Variants in CLCN7 observed in about 807,000 individuals in gnomAD.
CLCN7 encodes the protein Cl-/H+ antiporter 7.
In CLCN7, 60 loss-of-function variants were observed where a neutral mutation model predicts 102.1. That is an observed-to-expected ratio of 0.59 (90% CI 0.48 to 0.73). CLCN7 has a LOEUF of 0.73. CLCN7 is among the 30% of genes least tolerant of loss of function. The pLI, the probability that CLCN7 is intolerant of heterozygous loss-of-function variation, is 0.00. For synonymous variants in CLCN7, 560 were observed against 490.5 expected, an observed-to-expected ratio of 1.14 and a Z score of -1.87; for missense variants, 962 against 1,125.7, an observed-to-expected ratio of 0.85 and a Z score of 2.08.
Position 1,475,011 on chromosome 16 carries a change from G to C in CLCN7, c.-37C>G. Reference sequence around the variant, plus strand: ...GAGCGACACCGGCCGGGAAGCGCCGGCTGCCCCCGTGTTTGTTCTCGTGAC... The same window carrying C: ...GAGCGACACCGGCCGGGAAGCGCCGCCTGCCCCCGTGTTTGTTCTCGTGAC... On this transcript the variant is annotated 5_prime_UTR_variant, in exon 1 of 25. Transcript: ENST00000382745. The C allele has an allele frequency of 3.5e-6, 5 of 1,420,196 alleles. No homozygotes were observed. The highest frequency in any genetic ancestry group is 4.6e-6 in the Non-Finnish European group (5 of 1,084,040). The allele number at this position is 1,420,196 out of a possible 1,614,324, so 88.0% of individuals were successfully genotyped here.
chr16:1,455,113 G>C (rs1384360078), intron 12 of CLCN7, 21 bp downstream of exon 12: 1 of 1,391,720 alleles, frequency 7.2e-7, no homozygotes, highest in South Asian at 1.2e-5. Flanking sequence ...GGTGGGCGAG[G>C]TGGGCGATGG....
rs368724913 is a variant in CLCN7 at position 1,447,508 on chromosome 16, G to A, written c.2134C>T (p.Arg712Ter). ...GGTGGGAAGCGCGGGTAGGCGTCTC[G>A]GAAGTCCTTCAGCCTCAGGCGCCGC... is the stretch of plus-strand genomic sequence containing the variant. ...VQRRLRLKDF[R>*]DAYPRFPPIQ... The change falls in exon 23 of 25, where the codon CGA becomes TGA. Residue 712 changes from arginine to a stop codon, truncating the protein, a stop_gained. Coordinates refer to ENST00000382745, the MANE Select transcript of CLCN7 (RefSeq NM_001287.6). LOFTEE classifies it high-confidence loss of function. The A allele has an allele frequency of 3.9e-6, 6 of 1,555,020 alleles. No homozygotes were observed. Among genetic ancestry groups the A allele is most frequent in the Middle Eastern group, 1.7e-4 (1 of 5,994 alleles).
chr16:1,455,916 C>T, intron 10 of CLCN7, 121 bp from the exon 11 acceptor site: 1 of 1,178,008 alleles, frequency 8.5e-7, no homozygotes, highest in South Asian at 1.3e-5. Flanking sequence ...ATGGGGTGGG[C>T]CCCAGCCACA....
In CLCN7 at chr16:1,452,875, G is replaced by A; in HGVS notation, c.1233C>T (p.Cys411=). The A allele has an allele frequency of 6.4e-7, 1 of 1,573,066 alleles. No homozygotes were observed. Among genetic ancestry groups the A allele is most frequent in the Non-Finnish European group, 8.6e-7 (1 of 1,159,430 alleles). The change falls in exon 15 of 25, where the codon TGC becomes TGT. Residue 411 remains cysteine, a synonymous_variant. Transcript: ENST00000382745. ...MFRIRYIHRP[C]LQVIEAVLVA... is the part of the protein sequence containing the mutation. ...CCAGCACGGCCTCAATCACCTGCAG[G>A]CAGGGCCGGTGGATGTACCTGGAAC...
At chr16:1,453,155 C>T (rs2038780679) in intron 14 of CLCN7, among the ~76,000 whole-genome samples, 1 of 152,106 alleles carries the variant, frequency 6.6e-6, no homozygotes, top group African/African-American at 2.4e-5. Flanking sequence ...TTACAGGCGC[C>T]CGGCTCTACA....
At chr16:1,469,897 C>T (rs559637795) in intron 1 of CLCN7, among the ~76,000 whole-genome samples, 2 of 152,328 alleles carry the variant, frequency 1.3e-5, no homozygotes, top group East Asian at 1.9e-4. Context: ...GAATGACCAC[C>T]GACCCGTGCT....
chr16:1,449,372 CA>C (rs1176533035), intron 17 of CLCN7, 45 bp from the exon 18 acceptor site: 7 of 1,550,226 alleles, frequency 4.5e-6, no homozygotes, highest in Non-Finnish European at 5.2e-6. Flanking sequence ...GTGGCAGGCC[CA>C]AACCCACCAA....
chr16:1,458,733 A>G (rs2038878111), intron 7 of CLCN7, among the ~76,000 whole-genome samples: 1 of 152,196 alleles, frequency 6.6e-6, no homozygotes, highest in African/African-American at 2.4e-5. Flanking sequence ...ACCAAGTGTA[A>G]ATGACCATGA....
Position 1,447,030 on chromosome 16 carries a change from C to T in CLCN7, c.2307G>A (p.Leu769=), listed in dbSNP as rs748681470. 6.2e-7 allele frequency: 1 copy of T among 1,601,096 alleles called. No homozygotes were observed. Among genetic ancestry groups the T allele is most frequent in the East Asian group, 2.2e-5 (1 of 44,506 alleles). Reference sequence around the variant, plus strand: ...CCTGATTGCGGTTGTCCACCACCACCAGGTGCCGCAGGCCCAGGGCCCGGA... The same window carrying T: ...CCTGATTGCGGTTGTCCACCACCACTAGGTGCCGCAGGCCCAGGGCCCGGA... ...KLFRALGLRH[L]VVVDNRNQVV... The change falls in exon 24 of 25, where the codon CTG becomes CTA. Residue 769 remains leucine (L), a synonymous_variant. Transcript: ENST00000382745.
intron 17 of CLCN7, chr16:1,449,716 G>A: frequency 3.5e-6 from 1 of 287,236 alleles, no homozygotes. Flanking sequence ...AGAAAGCGGG[G>A]CACGAGGGTC....
chr16:1,472,724 A>G (rs976156524), intron 1 of CLCN7: 5 of 151,684 alleles, frequency 3.3e-5, no homozygotes, highest in African/African-American at 1.2e-4. Context: ...TGTGAACTTC[A>G]GATTTCTTTA....
intron 23 of CLCN7, 37 bp from the exon 24 acceptor site, chr16:1,447,123 C>T (rs1204723013): frequency 3.9e-6 from 6 of 1,551,798 alleles, no homozygotes; most frequent in African/African-American, 1.4e-5. Context: ...CCCGCCCACA[C>T]AGCAGAGGCA....
chr16:1,449,918 C>T (rs1443957364), intron 17 of CLCN7: 2 of 180,534 alleles, frequency 1.1e-5, no homozygotes, highest in Non-Finnish European at 2.4e-5. Context: ...GGGCAGAGCA[C>T]ACGGGCCTGG....
At chr16:1,451,869 G>A (rs1462275169) in intron 15 of CLCN7, 153 bp from the exon 16 acceptor site, 1 of 667,312 alleles carries the variant, frequency 1.5e-6, no homozygotes, top group African/African-American at 1.8e-5. Context: ...CAGGGCCACG[G>A]TCACAGAGGG....
intron 6 of CLCN7, 41 bp downstream of exon 6, chr16:1,460,377 C>G: frequency 6.2e-6 from 9 of 1,445,834 alleles, no homozygotes; most frequent in Non-Finnish European, 8.7e-6. Flanking sequence ...ACCCCCAATC[C>G]TTCATGGGGT....
chr16:1,457,882 G>C lies in CLCN7; in HGVS notation c.676-126C>G. ...CTGGGACACGGGGCCTCCGGGAGGG[G>C]GCCAGCACCCCCAGGCTGGGTCTCC... On this transcript the variant is annotated intron_variant, in intron 7 of 24. Coordinates refer to ENST00000382745, the MANE Select transcript of CLCN7 (RefSeq NM_001287.6). The surrounding 1 kb of genome is among the most constrained non-coding windows in gnomAD (Gnocchi z 5.4). 1 of 917,910 alleles carries C rather than the reference G, an allele frequency of 1.1e-6. No individual in the cohort carries two copies. The highest frequency in any genetic ancestry group is 1.7e-6 in the Non-Finnish European group (1 of 575,050). 56.9% of individuals were successfully genotyped at this position (917,910 alleles called of 1,614,324 possible). A position where few individuals can be genotyped will look rare whatever the true frequency, so the allele number is the denominator to read the frequency against.
At chr16:1,448,924 G>T in intron 19 of CLCN7, 42 bp downstream of exon 19, 1 of 1,609,796 alleles carries the variant, frequency 6.2e-7, no homozygotes. Context: ...CCCTATGGCA[G>T]CACCCACGCT....
At chr16:1,449,710 A>G in intron 17 of CLCN7, 1 of 292,312 alleles carries the variant, frequency 3.4e-6, no homozygotes, top group Non-Finnish European at 6.5e-6. Context: ...GGCTGCAGAA[A>G]GCGGGGCACG....
chr16:1,474,760 G>T (rs1313266933), intron 1 of CLCN7, 74 bp downstream of exon 1: 1 of 1,176,936 alleles, frequency 8.5e-7, no homozygotes, highest in Non-Finnish European at 1.1e-6. Context: ...GGCGCCGCCA[G>T]AAGGCTCACG....
Sources: gnomAD v4.1 joint callset for allele counts (sites outside exome capture counted in the v4.1 genomes callset) on GRCh38, gnomAD v4.1.1 for gene constraint, Gnocchi (gnomAD v3.1) non-coding constraint, MANE v1.5 for transcripts, NCBI Gene and HGNC (gene_info 2026-07-23, HGNC 2026-07-21) for gene names.